ZNF732: variants seen among roughly 807,000 people sequenced by gnomAD.
ZNF732 encodes the protein zinc finger protein 732, also known as zinc finger protein LOC654254.
ZNF732 carries 12 observed loss-of-function variants against 11.5 expected under a neutral mutation model. That is an observed-to-expected ratio of 1.05 (90% CI 0.67 to 1.70). The LOEUF is 1.70. ZNF732 is among the 40% of genes most tolerant of loss of function. The probability of loss-of-function intolerance (pLI) is 0.00; values close to 1 mark genes in which losing one functional copy is unlikely to be tolerated. For missense variants in ZNF732, 702 were observed against 676.9 expected (o/e 1.04, Z -0.41); for synonymous variants, 231 against 236.5 (o/e 0.98, Z 0.21).
At chr4:289,457 T>C (rs1196547185) in intron 3 of ZNF732, among the ~76,000 whole-genome samples, 1 of 152,272 alleles carries the variant, frequency 6.6e-6, no homozygotes, top group Non-Finnish European at 1.5e-5. Flanking sequence ...GCTTGAATTG[T>C]TATGTGCCAT....
intron 2 of ZNF732, 112 bp downstream of exon 2, chr4:295,917 A>G (rs1354047823): frequency 6.1e-6 from 8 of 1,319,608 alleles, no homozygotes; most frequent in Non-Finnish European, 8.2e-6. Flanking sequence ...TTTCTTGAAG[A>G]AAGAAACTGA....
chr4:301,262 T>C (rs1380745154), intron 1 of ZNF732, among the ~76,000 whole-genome samples: 2 of 152,196 alleles, frequency 1.3e-5, no homozygotes, highest in Non-Finnish European at 2.9e-5. Context: ...ACTTTTACAC[T>C]GTTGGTGGGA....
At chr4:287,526 G>A (rs1719757337) in intron 3 of ZNF732, among the ~76,000 whole-genome samples, 1 of 151,942 alleles carries the variant, frequency 6.6e-6, no homozygotes, top group African/African-American at 2.4e-5. Flanking sequence ...ACACACTCTT[G>A]AACATACTCT....
intron 3 of ZNF732, among the ~76,000 whole-genome samples, chr4:281,334 T>G (rs892864319): frequency 5.3e-5 from 8 of 152,180 alleles, no homozygotes; most frequent in Non-Finnish European, 1.2e-4. Flanking sequence ...TCATACCCTC[T>G]CAGCTGTGAT....
intron 1 of ZNF732, among the ~76,000 whole-genome samples, chr4:302,848 C>T (rs1323005629): frequency 1.3e-5 from 2 of 152,166 alleles, no homozygotes; most frequent in African/African-American, 2.4e-5. Flanking sequence ...TAACGCCCAA[C>T]CTTGTTTCTA....
intron 1 of ZNF732, among the ~76,000 whole-genome samples, chr4:300,203 C>T (rs1215421241): frequency 2.0e-5 from 3 of 150,066 alleles, no homozygotes; most frequent in Non-Finnish European, 4.4e-5. Flanking sequence ...TGGCTCACGC[C>T]GGTAATCCCA....
At chr4:295,922 A>G in intron 2 of ZNF732, 107 bp downstream of exon 2, 1 of 1,365,178 alleles carries the variant, frequency 7.3e-7, no homozygotes, top group Non-Finnish European at 9.9e-7. Flanking sequence ...TGAAGAAAGA[A>G]ACTGAAATTC....
intron 3 of ZNF732, among the ~76,000 whole-genome samples, chr4:283,858 A>T (rs964941727): frequency 2.6e-5 from 4 of 152,130 alleles, no homozygotes; most frequent in African/African-American, 9.7e-5. Flanking sequence ...CACAACAAAG[A>T]CAAACAAGTC....
At chr4:287,490 C>G (rs1553840756) in intron 3 of ZNF732, among the ~76,000 whole-genome samples, 2 of 152,074 alleles carry the variant, frequency 1.3e-5, no homozygotes, top group East Asian at 1.9e-4. Context: ...GCTAGGATTA[C>G]AGGCGTGAGT....
intron 3 of ZNF732, among the ~76,000 whole-genome samples, chr4:278,388 G>A (rs112899466): frequency 0.028 from 4,288 of 152,258 alleles, 71 homozygotes; most frequent in Middle Eastern, 0.075. Flanking sequence ...TGTCCCTTTA[G>A]AGATCAATAT....
In ZNF732 at chr4:272,423, A is replaced by G. The variant is rs1719407066; in HGVS notation, c.434T>C (p.Val145Ala). 1 of 1,597,026 alleles carries G rather than the reference A, an allele frequency of 6.3e-7. No homozygotes were observed. Among genetic ancestry groups the G allele is most frequent in the Admixed American group, 1.8e-5 (1 of 56,774 alleles). Residue 145 changes from valine (V) to alanine (A), a missense_variant, in exon 4 of 4, where the codon GTA becomes GCA. By Grantham distance (64) the Val-to-Ala change is moderately conservative. Around this residue, in one of 3 missense-constraint regions of ZNF732, gnomAD observed 596 missense variants for 557.9 expected, o/e 1.07. Transcript: ENST00000419098. ...AAATGTACTAAATACTTTGACATGTACATTACACTGAAATATTTTGCTCTG... is the reference window on the plus strand; with the variant it reads ...AAATGTACTAAATACTTTGACATGTGCATTACACTGAAATATTTTGCTCTG... ...TIQSKIFQCN[V>A]HVKVFSTFSN...
intron 3 of ZNF732, among the ~76,000 whole-genome samples, chr4:282,295 T>C (rs942065227): frequency 6.6e-6 from 1 of 152,192 alleles, no homozygotes; most frequent in African/African-American, 2.4e-5. Context: ...CACTTTTGCT[T>C]GAGGCCAGGA....
At position 271,374 on chromosome 4, in the gene ZNF732, T is replaced by G. The variant is rs782534382; in HGVS notation, c.1483A>C (p.Ile495Leu). ...CSRALNKHKT[I>L]HTGEKPYECE... Reference sequence around the variant, plus strand: ...TCGTAAGGTTTCTCTCCAGTATGAATTGTCTTATGTTTATTCAGGGCTCTG... The same window carrying G: ...TCGTAAGGTTTCTCTCCAGTATGAAGTGTCTTATGTTTATTCAGGGCTCTG... Residue 495 changes from isoleucine to leucine, a missense_variant, in exon 4 of 4, where the codon ATT becomes CTT. Coordinates refer to ENST00000419098, the MANE Select transcript of ZNF732 (RefSeq NM_001137608.3). 2.5e-6 allele frequency: 4 copies of G among 1,600,120 alleles called. No homozygotes were observed. The South Asian group carries it at 4.5e-5, about 18-fold the overall frequency.
At chr4:299,375 ATATATATACACATATGTACACATATGTG>A (rs1720034136) in intron 1 of ZNF732, among the ~76,000 whole-genome samples, 1 of 60,282 alleles carries the variant, frequency 1.7e-5, no homozygotes, top group African/African-American at 4.9e-5. Context: ...ATATGTGTAT[ATATATATACACATATGTACACATATGTG>A]TATATATATA....
intron 1 of ZNF732, among the ~76,000 whole-genome samples, chr4:303,287 CGA>C (rs797033561): frequency 9.9e-5 from 15 of 152,264 alleles, no homozygotes; most frequent in African/African-American, 3.4e-4. Flanking sequence ...TTCTTCGGGC[CGA>C]GAGAACTTTG....
At chr4:299,457 A>ATGTGTG (rs1487495405) in intron 1 of ZNF732, among the ~76,000 whole-genome samples, 13 of 40,792 alleles carry the variant, frequency 3.2e-4, no homozygotes, top group Non-Finnish European at 5.7e-4. Context: ...ATATACACAT[A>ATGTGTG]TGTGTATATA....
At chr4:280,181 G>T (rs1165003772) in intron 3 of ZNF732, among the ~76,000 whole-genome samples, 1 of 151,254 alleles carries the variant, frequency 6.6e-6, no homozygotes, top group East Asian at 2.0e-4. Context: ...ATAGAATATA[G>T]ATGTAGATGT....
At chr4:293,267 T>G (rs1390241407) in intron 3 of ZNF732, among the ~76,000 whole-genome samples, 1 of 146,624 alleles carries the variant, frequency 6.8e-6, no homozygotes, top group Non-Finnish European at 1.5e-5. Context: ...CACATATATA[T>G]GTATATATGT....
chr4:291,593 T>G (rs1182697142), intron 3 of ZNF732, among the ~76,000 whole-genome samples: 1 of 151,964 alleles, frequency 6.6e-6, no homozygotes, highest in Non-Finnish European at 1.5e-5. Context: ...CAGACACAAA[T>G]AGATAAAACC....
Sources: gnomAD v4.1 joint callset for allele counts (sites outside exome capture counted in the v4.1 genomes callset) on GRCh38, gnomAD v4.1.1 for gene constraint, gnomAD v4.1.1 regional missense constraint, MANE v1.5 for transcripts, NCBI Gene and HGNC (gene_info 2026-07-23, HGNC 2026-07-21) for gene names.